CALD1: variants seen among roughly 807,000 people sequenced by gnomAD.
The protein encoded by CALD1 is caldesmon.
A neutral mutation model predicts 99.9 loss-of-function variants in CALD1; 33 were observed. That is an observed-to-expected ratio of 0.33 (90% CI 0.25 to 0.44). The LOEUF (loss-of-function observed/expected upper bound fraction) is 0.44. CALD1 is among the 20% of genes least tolerant of loss of function. The pLI is 1.00. For missense variants in CALD1, 861 were observed against 962.1 expected, an observed-to-expected ratio of 0.89 and a Z score of 1.39; for synonymous variants, 310 against 325.0, an observed-to-expected ratio of 0.95 and a Z score of 0.50.
chr7:134,810,417 T>C (rs1798309106), intron 1 of CALD1, among the ~76,000 whole-genome samples: 1 of 152,242 alleles, frequency 6.6e-6, no homozygotes, highest in Non-Finnish European at 1.5e-5. Context: ...ATAATTCATG[T>C]ATAAGAATAT....
At chr7:134,746,787 A>G (rs1562987718) in intron 1 of CALD1, among the ~76,000 whole-genome samples, 2 of 152,216 alleles carry the variant, frequency 1.3e-5, no homozygotes, top group Admixed American at 1.3e-4. Flanking sequence ...AACGAGAGAA[A>G]AGGCAATTCT....
chr7:134,782,162 C>T (rs146939302), intron 1 of CALD1, among the ~76,000 whole-genome samples: 51 of 152,288 alleles, frequency 3.3e-4, no homozygotes, highest in South Asian at 2.1e-4. Context: ...CTTAGCAAGA[C>T]GCAAAAGTGA....
intron 2 of CALD1, 119 bp downstream of exon 2, chr7:134,844,090 C>T (rs1262589095): frequency 6.6e-6 from 1 of 152,192 alleles, no homozygotes; most frequent in African/African-American, 2.4e-5. Context: ...ACCAGTTTTT[C>T]TGCTGTGGCC....
At chr7:134,964,340 A>C (rs1808507601) in intron 13 of CALD1, among the ~76,000 whole-genome samples, 1 of 152,248 alleles carries the variant, frequency 6.6e-6, no homozygotes, top group Non-Finnish European at 1.5e-5. Context: ...CAGTCCTCAC[A>C]GAAGGTGTTA....
At chr7:134,794,109 C>T (rs1051876088) in intron 1 of CALD1, among the ~76,000 whole-genome samples, 1 of 152,148 alleles carries the variant, frequency 6.6e-6, no homozygotes, top group Non-Finnish European at 1.5e-5. Flanking sequence ...TGAGCACATA[C>T]ACACACACTT....
intron 1 of CALD1, among the ~76,000 whole-genome samples, chr7:134,748,468 G>T (rs1170201004): frequency 6.6e-6 from 1 of 152,220 alleles, no homozygotes; most frequent in Non-Finnish European, 1.5e-5. Context: ...CCAGCACTTT[G>T]GGAGGCTGAG....
chr7:134,817,792 C>T (rs1798616505), intron 1 of CALD1, among the ~76,000 whole-genome samples: 1 of 152,090 alleles, frequency 6.6e-6, no homozygotes, highest in Non-Finnish European at 1.5e-5. Context: ...TTACTCATTC[C>T]ATTATTGAAG....
intron 12 of CALD1, 146 bp downstream of exon 12, chr7:134,960,257 C>T: frequency 1.1e-6 from 1 of 921,870 alleles, no homozygotes; most frequent in Non-Finnish European, 1.7e-6. Flanking sequence ...CAAAAGCAAG[C>T]TCAGAGAGAA....
At chr7:134,868,590 T>G (rs747348181) in intron 3 of CALD1, among the ~76,000 whole-genome samples, 3 of 152,164 alleles carry the variant, frequency 2.0e-5, no homozygotes, top group Non-Finnish European at 4.4e-5. Context: ...GTAACTCCAA[T>G]GCTCAGATGA....
At chr7:134,793,183 G>A (rs993312613) in intron 1 of CALD1, among the ~76,000 whole-genome samples, 1 of 152,228 alleles carries the variant, frequency 6.6e-6, no homozygotes, top group African/African-American at 2.4e-5. Flanking sequence ...GGCCGGGCCA[G>A]GGAGGCAGCC....
chr7:134,901,148 G>C (rs1446702907), intron 3 of CALD1, among the ~76,000 whole-genome samples: 1 of 151,668 alleles, frequency 6.6e-6, no homozygotes, highest in African/African-American at 2.4e-5. Flanking sequence ...GTGCCAAGAG[G>C]GAGGTAGGGA....
chr7:134,797,033 T>G (rs1479821388), intron 1 of CALD1, among the ~76,000 whole-genome samples: 1 of 152,186 alleles, frequency 6.6e-6, no homozygotes. Context: ...TTTCTTTTTT[T>G]CTTTTTTTTG....
chr7:134,807,165 T>A (rs1350099399), intron 1 of CALD1, among the ~76,000 whole-genome samples: 1 of 152,172 alleles, frequency 6.6e-6, no homozygotes, highest in Non-Finnish European at 1.5e-5. Context: ...ACCTTTTAAA[T>A]AGAAATGAGT....
chr7:134,890,510 T>C (rs776645906), intron 3 of CALD1, among the ~76,000 whole-genome samples: 2 of 152,194 alleles, frequency 1.3e-5, no homozygotes. Context: ...TAACTCTACA[T>C]TGTGGAGATC....
intron 3 of CALD1, among the ~76,000 whole-genome samples, chr7:134,884,386 C>T (rs1183632340): frequency 6.6e-6 from 1 of 152,180 alleles, no homozygotes; most frequent in Non-Finnish European, 1.5e-5. Flanking sequence ...GCTCTGACTT[C>T]ACACTCATGA....
chr7:134,769,845 C>T (rs931936365), intron 1 of CALD1, among the ~76,000 whole-genome samples: 7 of 152,172 alleles, frequency 4.6e-5, no homozygotes, highest in Non-Finnish European at 1.0e-4. Context: ...ACCATTTTGG[C>T]CAGGCTGGTC....
intron 11 of CALD1, among the ~76,000 whole-genome samples, chr7:134,958,979 C>A (rs759067096): frequency 1.6e-4 from 24 of 148,798 alleles, no homozygotes; most frequent in Middle Eastern, 3.6e-3. Context: ...GTCACTTCCT[C>A]AGAGTAGCCT....
intron 5 of CALD1, among the ~76,000 whole-genome samples, chr7:134,934,396 G>A (rs1238049957): frequency 1.3e-5 from 2 of 152,162 alleles, no homozygotes; most frequent in Non-Finnish European, 1.5e-5. Context: ...TGGTGGTGGT[G>A]TGTTGGCTTC....
the CALD1 span, among the ~76,000 whole-genome samples, chr7:134,732,217 G>T: frequency 6.6e-6 from 1 of 152,158 alleles, no homozygotes; most frequent in Non-Finnish European, 1.5e-5. Context: ...ACACACTGCT[G>T]TACATCAGTC....
Sources: allele counts gnomAD v4.1 joint callset (sites outside exome capture counted in the v4.1 genomes callset), GRCh38; gene constraint gnomAD v4.1.1; transcripts MANE v1.5; gene names NCBI Gene and HGNC (gene_info 2026-07-23, HGNC 2026-07-21).